The following BTNL8 variants were observed in gnomAD, a reference collection of about 807,000 sequenced individuals.
The protein encoded by BTNL8 is butyrophilin-like protein 8.
A neutral mutation model predicts 36.1 loss-of-function variants in BTNL8; 22 were observed. The ratio of observed to expected loss-of-function variants is 0.61; its 90% CI spans 0.44 to 0.87. The LOEUF is 0.87. Among genes scored for constraint, BTNL8 ranks in the 40% least tolerant of loss-of-function variants. The pLI is 0.00. For missense variants in BTNL8, 526 were observed against 616.9 expected, an observed-to-expected ratio of 0.85 and a Z score of 1.56; for synonymous variants, 203 against 235.6, an observed-to-expected ratio of 0.86 and a Z score of 1.27.
intron 3 of BTNL8, among the ~76,000 whole-genome samples, chr5:180,923,926 T>G (rs1757983243): frequency 6.6e-6 from 1 of 152,310 alleles, no homozygotes; most frequent in African/African-American, 2.4e-5. Flanking sequence ...TAAAATATTT[T>G]TATACTCTTA....
chr5:180,941,110 G>GAGGGAGGA (rs1758917503), intron 3 of BTNL8, among the ~76,000 whole-genome samples: 1 of 126,820 alleles, frequency 7.9e-6, no homozygotes, highest in South Asian at 3.0e-4. Context: ...GGAAGGAAGG[G>GAGGGAGGA]AGGAAGGAAG....
chr5:180,927,466 G>A (rs899664970), intron 3 of BTNL8, among the ~76,000 whole-genome samples: 2 of 152,170 alleles, frequency 1.3e-5, no homozygotes, highest in East Asian at 3.9e-4. Context: ...GAACAAAACC[G>A]GATGGAGAAT....
intron 3 of BTNL8, among the ~76,000 whole-genome samples, chr5:180,915,481 C>A (rs557605614): frequency 6.6e-6 from 1 of 152,294 alleles, no homozygotes; most frequent in South Asian, 2.1e-4. Context: ...AAAAGAAAAT[C>A]CCAAGACTTC....
In BTNL8 at chr5:180,911,533, C is replaced by A. The variant is rs762431858; in HGVS notation, c.592C>A (p.Gln198Lys). Residue 198 changes from glutamine to lysine, a missense_variant, in exon 3 of 8, where the codon CAA becomes AAA. Physicochemically the swap from Gln to Lys is moderately conservative, Grantham distance 53. Transcript: ENST00000340184. The stretch of plus-strand genomic sequence containing the variant: ...TGATGTGGAGATCTCTCTGACCGTC[C>A]AAGAGAACGCCGGGAGCATATCCTG... ...LFDVEISLTV[Q>K]ENAGSISCSM... The A allele has an allele frequency of 2.0e-5, 32 of 1,613,116 alleles. No individual in the cohort carries two copies. In the South Asian group the frequency reaches 3.4e-4, roughly 17 times the overall value.
chr5:180,918,468 A>G (rs1294213899), intron 3 of BTNL8, among the ~76,000 whole-genome samples: 1 of 152,258 alleles, frequency 6.6e-6, no homozygotes, highest in Admixed American at 6.5e-5. Flanking sequence ...GCATCTTTTC[A>G]TAATAAAAGT....
chr5:180,948,701 T>G, intron 5 of BTNL8: 2 of 564,144 alleles, frequency 3.5e-6, no homozygotes, highest in Admixed American at 3.5e-5. Context: ...CTGAGAAAAA[T>G]TTGTGGGTGA....
intron 1 of BTNL8, chr5:180,902,525 T>C (rs1380152297): frequency 1.1e-6 from 1 of 940,630 alleles, no homozygotes. Flanking sequence ...GGGTTTTTTT[T>C]TTTGTTTTTG....
intron 3 of BTNL8, among the ~76,000 whole-genome samples, chr5:180,929,101 C>A (rs1758243778): frequency 6.6e-6 from 1 of 152,088 alleles, no homozygotes; most frequent in African/African-American, 2.4e-5. Flanking sequence ...GAATGTAAAT[C>A]ATAACAAACA....
intron 3 of BTNL8, among the ~76,000 whole-genome samples, chr5:180,922,018 A>AT (rs1166863427): frequency 2.0e-5 from 3 of 151,940 alleles, no homozygotes; most frequent in Non-Finnish European, 2.9e-5. Context: ...AGTTATTTGT[A>AT]TTTTTTTGGC....
intron 1 of BTNL8, among the ~76,000 whole-genome samples, chr5:180,907,405 A>T (rs2113772119): frequency 7.4e-6 from 1 of 135,614 alleles, no homozygotes; most frequent in Middle Eastern, 3.4e-3. Flanking sequence ...TGTATTGGTT[A>T]TTCTAGTTAT....
At position 180,907,873 on chromosome 5, in the gene BTNL8, A is replaced by C. The variant is rs1483245802; in HGVS notation, c.50-713A>C. 6.2e-3 allele frequency among the ~76,000 whole-genome samples: 918 copies of C among 148,560 alleles called. 7 individuals carry two copies. Among genetic ancestry groups the C allele is most frequent in the East Asian group, 0.016 (77 of 4,956 alleles). On this transcript the variant is annotated intron_variant, in intron 1 of 7. Coordinates refer to ENST00000340184, the MANE Select transcript of BTNL8 (RefSeq NM_001040462.3). ...GACTCACTTGAGGAGGCAGTCTGCC[A>C]GTTCTCAGATCTCCAGCTGCGTGCT...
At chr5:180,901,334 T>A in intron 1 of BTNL8, among the ~76,000 whole-genome samples, 1 of 152,142 alleles carries the variant, frequency 6.6e-6, no homozygotes, top group East Asian at 1.9e-4. Context: ...AATGGATACA[T>A]GTGAATGAAT....
chr5:180,950,814 G>C lies in BTNL8; in HGVS notation c.*270G>C. ...TTCCCATCTCACAGGCTGTGGTGTAGATTAAGTAGACAAGGAATGTGAATA... is the reference window on the plus strand; with the variant it reads ...TTCCCATCTCACAGGCTGTGGTGTACATTAAGTAGACAAGGAATGTGAATA... On this transcript the variant is annotated 3_prime_UTR_variant, in exon 8 of 8. Transcript: ENST00000340184. 2.2e-6 allele frequency: 1 copy of C among 448,152 alleles called. No homozygotes were observed. The highest frequency in any genetic ancestry group is 2.2e-5 in the South Asian group (1 of 44,782). The allele number at this position is 448,152 out of a possible 1,614,324, so 27.8% of individuals were successfully genotyped here. A position where few individuals can be genotyped will look rare whatever the true frequency, so the allele number is the denominator to read the frequency against.
At chr5:180,932,912 T>C (rs1662144834) in intron 3 of BTNL8, among the ~76,000 whole-genome samples, 1 of 151,770 alleles carries the variant, frequency 6.6e-6, no homozygotes, top group Admixed American at 6.6e-5. Flanking sequence ...ATCAACCATA[T>C]ACTACTGTCT....
intron 3 of BTNL8, among the ~76,000 whole-genome samples, chr5:180,930,500 G>A (rs1271353994): frequency 5.3e-5 from 8 of 152,160 alleles, no homozygotes; most frequent in Non-Finnish European, 1.2e-4. Context: ...TATTCAAATA[G>A]GAAGAGAGGA....
rs1378819854 is a variant in BTNL8 at position 180,949,361 on chromosome 5, C to A, written c.862+96C>A. 2.8e-6 allele frequency: 4 copies of A among 1,431,214 alleles called. 1 individual carries two copies. The African/African-American group carries it at 5.6e-5, about 20-fold the overall frequency. 88.7% of individuals were successfully genotyped at this position (1,431,214 alleles called of 1,614,324 possible). A position where few individuals can be genotyped will look rare whatever the true frequency, so the allele number is the denominator to read the frequency against. On this transcript the variant is annotated intron_variant, in intron 7 of 7. Coordinates refer to ENST00000340184, the MANE Select transcript of BTNL8 (RefSeq NM_001040462.3). ...ACAGATACGGGAACACAGAGTGATG[C>A]TGAGACCCATCCTGCCTGCAGATGG...
chr5:180,906,104 C>A (rs377383016), intron 1 of BTNL8, among the ~76,000 whole-genome samples: 1 of 140,874 alleles, frequency 7.1e-6, no homozygotes, highest in Non-Finnish European at 1.5e-5. Context: ...GTTGATCTAT[C>A]TAATGTTGAC....
chr5:180,899,999 T>C (rs1756753202), intron 1 of BTNL8, among the ~76,000 whole-genome samples: 1 of 152,212 alleles, frequency 6.6e-6, no homozygotes, highest in South Asian at 2.1e-4. Flanking sequence ...TTCGATTGAC[T>C]GTGTTCACTT....
chr5:180,949,773 C>G, intron 7 of BTNL8, 131 bp from the exon 8 acceptor site: 1 of 1,138,246 alleles, frequency 8.8e-7, no homozygotes, highest in Non-Finnish European at 1.2e-6. Context: ...GCAGTGTCTG[C>G]GGGAGGCTCA....
Sources: gnomAD v4.1 joint callset for allele counts (sites outside exome capture counted in the v4.1 genomes callset) on GRCh38, gnomAD v4.1.1 for gene constraint, MANE v1.5 for transcripts, NCBI Gene and HGNC (gene_info 2026-07-23, HGNC 2026-07-21) for gene names.